KCNC2: variants seen among roughly 807,000 people sequenced by gnomAD.
KCNC2 encodes potassium voltage-gated channel subfamily C member 2, also known as voltage-gated potassium channel KCNC2.
KCNC2 carries 21 observed loss-of-function variants against 44.5 expected under a neutral mutation model. The ratio of observed to expected loss-of-function variants is 0.47; its 90% CI spans 0.33 to 0.68. The LOEUF is 0.68. KCNC2 is among the 30% of genes least tolerant of loss of function. The probability of loss-of-function intolerance (pLI) is 0.01; values close to 1 mark genes in which losing one functional copy is unlikely to be tolerated. For missense variants in KCNC2, 589 were observed against 826.2 expected (o/e 0.71, Z 3.52); for synonymous variants, 391 against 339.1 (o/e 1.15, Z -1.68).
chr12:75,084,335 T>G (rs1016770817), intron 2 of KCNC2, among the ~76,000 whole-genome samples: 1 of 123,764 alleles, frequency 8.1e-6, no homozygotes, highest in African/African-American at 3.4e-5. Flanking sequence ...TAGATAGATA[T>G]ACTATTATGT....
chr12:75,194,287 T>G (rs767850796), intron 2 of KCNC2, among the ~76,000 whole-genome samples: 2 of 152,054 alleles, frequency 1.3e-5, no homozygotes, highest in Admixed American at 1.3e-4. Context: ...ACCCATACAC[T>G]GAGGGCAAGG....
chr12:75,145,641 G>T (rs1177026546), intron 2 of KCNC2, among the ~76,000 whole-genome samples: 7 of 151,882 alleles, frequency 4.6e-5, no homozygotes, highest in African/African-American at 1.7e-4. Context: ...TAAAACTGGG[G>T]GTAATAATTT....
chr12:75,192,267 A>T (rs935912144), intron 2 of KCNC2, among the ~76,000 whole-genome samples: 2 of 152,192 alleles, frequency 1.3e-5, no homozygotes, highest in African/African-American at 4.8e-5. Flanking sequence ...TTTTCCTAGG[A>T]CACGGCATCC....
intron 3 of KCNC2, 49 bp from the exon 4 acceptor site, chr12:75,048,366 G>A: frequency 2.6e-6 from 4 of 1,527,474 alleles, no homozygotes; most frequent in Non-Finnish European, 3.6e-6. Flanking sequence ...ATGAGGAAAT[G>A]AGACAGTACA....
At chr12:75,184,965 G>A (rs1423594398) in intron 2 of KCNC2, among the ~76,000 whole-genome samples, 4 of 152,168 alleles carry the variant, frequency 2.6e-5, no homozygotes, top group Non-Finnish European at 4.4e-5. Flanking sequence ...AAGTATGTAA[G>A]TATTCATTTG....
At chr12:75,177,362 T>G (rs1248208900) in intron 2 of KCNC2, among the ~76,000 whole-genome samples, 2 of 151,982 alleles carry the variant, frequency 1.3e-5, no homozygotes, top group Non-Finnish European at 2.9e-5. Flanking sequence ...TTTAAATTGT[T>G]TAAGTAAAAG....
At chr12:75,158,103 T>C (rs1029865453) in intron 2 of KCNC2, among the ~76,000 whole-genome samples, 1 of 151,930 alleles carries the variant, frequency 6.6e-6, no homozygotes, top group African/African-American at 2.4e-5. Context: ...AGGAGGCTTA[T>C]TTGTGTTGTC....
intron 2 of KCNC2, among the ~76,000 whole-genome samples, chr12:75,098,574 C>T (rs1432800176): frequency 6.6e-6 from 1 of 151,994 alleles, no homozygotes; most frequent in African/African-American, 2.4e-5. Context: ...GCCTGGCCAA[C>T]ATGGTGAAAC....
chr12:75,166,056 G>A lies in KCNC2; in HGVS notation c.687+41241C>T, dbSNP rs549617326. Among the ~76,000 whole-genome samples the A allele has an allele frequency of 6.0e-5, 9 of 151,174 alleles. No homozygotes were observed. The South Asian group carries it at 1.9e-3, about 31-fold the overall frequency. The stretch of plus-strand genomic sequence containing the variant: ...GCAAAAAAGTTGAAAGTAAAGAATG[G>A]AAAAAATATATACCACATACCATGC... On this transcript the variant is annotated intron_variant, in intron 2 of 4. Transcript: ENST00000549446.
chr12:75,140,553 A>C (rs1282924871), intron 2 of KCNC2, among the ~76,000 whole-genome samples: 3 of 152,156 alleles, frequency 2.0e-5, no homozygotes, highest in Admixed American at 6.6e-5. Context: ...CCATGTAATA[A>C]ATTTGATTGA....
chr12:75,074,834 A>G (rs948033675), intron 2 of KCNC2, among the ~76,000 whole-genome samples: 2 of 152,218 alleles, frequency 1.3e-5, no homozygotes, highest in African/African-American at 2.4e-5. Flanking sequence ...AGTGAATGCT[A>G]TAACAGTGTA....
chr12:75,085,548 G>T (rs370395843), intron 2 of KCNC2, among the ~76,000 whole-genome samples: 1 of 152,002 alleles, frequency 6.6e-6, no homozygotes, highest in Non-Finnish European at 1.5e-5. Context: ...ATTAGGAAGC[G>T]GCAGAACCAT....
intron 2 of KCNC2, among the ~76,000 whole-genome samples, chr12:75,121,866 G>A (rs1888068293): frequency 6.6e-6 from 1 of 152,076 alleles, no homozygotes; most frequent in South Asian, 2.1e-4. Context: ...GAAAAGTGAG[G>A]CCCTTTTTAT....
Position 75,048,227 on chromosome 12 carries a change from T to G in KCNC2, c.1706A>C (p.Asn569Thr). The G allele has an allele frequency of 1.2e-6, 2 of 1,613,006 alleles. No individual in the cohort carries two copies. Among genetic ancestry groups the G allele is most frequent in the Non-Finnish European group, 1.7e-6 (2 of 1,179,350 alleles). ...PIRRSSTRDK[N>T]RRGETCFLLT... is the part of the protein sequence containing the mutation. ...TAGGAAACATGTTTCCCCTCTTCTG[T>G]TTTTGTCTCTGGTACTAGAGCGTCT... The change falls in exon 4 of 5, where the codon AAC (asparagine) becomes ACC (threonine). Residue 569 changes from asparagine (N) to threonine (T), a missense_variant. Physicochemically the swap from Asn to Thr is moderately conservative, Grantham distance 65. Transcript: ENST00000549446.
chr12:75,193,421 T>C (rs2030481258), intron 2 of KCNC2, among the ~76,000 whole-genome samples: 1 of 152,080 alleles, frequency 6.6e-6, no homozygotes, highest in Non-Finnish European at 1.5e-5. Context: ...AGAGGCAACA[T>C]GTACTAGGAG....
intron 2 of KCNC2, among the ~76,000 whole-genome samples, chr12:75,183,499 C>A (rs1892737275): frequency 6.6e-6 from 1 of 152,104 alleles, no homozygotes; most frequent in South Asian, 2.1e-4. Flanking sequence ...ATTCAGGAGT[C>A]AAATAACCAG....
chr12:75,097,025 A>G (rs543986275), intron 2 of KCNC2, among the ~76,000 whole-genome samples: 2 of 152,288 alleles, frequency 1.3e-5, no homozygotes, highest in African/African-American at 4.8e-5. Flanking sequence ...AGTGAATAGG[A>G]AACAAAGTGT....
intron 2 of KCNC2, among the ~76,000 whole-genome samples, chr12:75,127,191 A>T (rs1267735367): frequency 6.6e-6 from 1 of 152,178 alleles, no homozygotes; most frequent in Non-Finnish European, 1.5e-5. Context: ...CATTTTAACA[A>T]AGCGAGAATT....
chr12:75,113,927 T>A (rs1021024599), intron 2 of KCNC2, among the ~76,000 whole-genome samples: 1 of 152,178 alleles, frequency 6.6e-6, no homozygotes, highest in South Asian at 2.1e-4. Context: ...TCAATTAGAA[T>A]CCAGCTTAAT....
Sources: gnomAD v4.1 joint callset for allele counts (sites outside exome capture counted in the v4.1 genomes callset) on GRCh38, gnomAD v4.1.1 for gene constraint, MANE v1.5 for transcripts, NCBI Gene and HGNC (gene_info 2026-07-23, HGNC 2026-07-21) for gene names.